Variants in PLAC1 observed in about 807,000 individuals in gnomAD.
PLAC1 encodes placenta associated 1.
For missense variants in PLAC1, 136 were observed against 163.2 expected (o/e 0.83, Z 0.91); for synonymous variants, 68 against 62.1 (o/e 1.09, Z -0.44).
intron 2 of PLAC1, among the ~76,000 whole-genome samples, chrX:134,667,587 T>C (rs1470326802): frequency 3.6e-5 from 4 of 111,393 alleles, no homozygotes; most frequent in Non-Finnish European, 7.5e-5. Flanking sequence ...GGGGTTGTAA[T>C]ATGCAGCTGC....
intron 1 of PLAC1, among the ~76,000 whole-genome samples, chrX:134,625,238 A>G (rs2124412192): frequency 8.9e-6 from 1 of 112,352 alleles, no homozygotes; most frequent in South Asian, 3.7e-4. Context: ...TTAGGAGGGA[A>G]GGCAGAGGGT....
upstream of PLAC1, among the ~76,000 whole-genome samples, chrX:134,659,985 G>A (rs570857131): frequency 8.9e-6 from 1 of 111,969 alleles, no homozygotes; most frequent in African/African-American, 3.2e-5. Flanking sequence ...TACTAAGTCC[G>A]TGAGGAAATA....
chrX:134,669,034 G>A (rs1294247163), intron 2 of PLAC1, among the ~76,000 whole-genome samples: 1 of 112,505 alleles, frequency 8.9e-6, no homozygotes, highest in African/African-American at 3.2e-5. Context: ...GGCCTTTGTG[G>A]TTCCTGGAAA....
At chrX:134,570,346 C>A (rs1223903775) in intron 2 of PLAC1, among the ~76,000 whole-genome samples, 2 of 111,284 alleles carry the variant, frequency 1.8e-5, no homozygotes, top group East Asian at 5.7e-4. Context: ...GGGTGCCCAG[C>A]TGAAGGTATT....
chrX:134,706,475 A>G (rs1239862626), intron 2 of PLAC1, among the ~76,000 whole-genome samples: 1 of 112,489 alleles, frequency 8.9e-6, no homozygotes, highest in Non-Finnish European at 1.9e-5. Flanking sequence ...GAAGATTTCA[A>G]TAAGAACCAG....
chrX:134,588,295 TTTA>T (rs1234065484), intron 2 of PLAC1, among the ~76,000 whole-genome samples: 3 of 3,471 alleles, frequency 8.6e-4, no homozygotes, highest in Admixed American at 7.5e-3. Flanking sequence ...CTTTATTTTA[TTTA>T]TTTATTTATT....
chrX:134,646,161 C>T (rs1397002447), intron 1 of PLAC1, among the ~76,000 whole-genome samples: 2 of 111,805 alleles, frequency 1.8e-5, no homozygotes, highest in African/African-American at 6.5e-5. Context: ...GCTTCTTGAG[C>T]CTGGAGTGGA....
chrX:134,594,564 T>TA (rs2078053839), intron 2 of PLAC1, among the ~76,000 whole-genome samples: 1 of 111,565 alleles, frequency 9.0e-6, no homozygotes, highest in Non-Finnish European at 1.9e-5. Context: ...TTAATTTCCT[T>TA]AATAGTTATG....
At chrX:134,751,370 C>T (rs1242921009) in intron 1 of PLAC1, among the ~76,000 whole-genome samples, 1 of 109,972 alleles carries the variant, frequency 9.1e-6, no homozygotes, top group Non-Finnish European at 1.9e-5. Flanking sequence ...ATGCAGACAA[C>T]TGCATCACCA....
intron 1 of PLAC1, among the ~76,000 whole-genome samples, chrX:134,602,367 A>G (rs1231983464): frequency 8.9e-6 from 1 of 112,088 alleles, no homozygotes; most frequent in Non-Finnish European, 1.9e-5. Flanking sequence ...ATGAAAAATC[A>G]CACCCTCAAA....
chrX:134,733,942 C>A (rs1056175712), intron 1 of PLAC1, among the ~76,000 whole-genome samples: 15 of 111,751 alleles, frequency 1.3e-4, no homozygotes, highest in African/African-American at 4.9e-4. Flanking sequence ...AGCTTTAGGA[C>A]CCTGTCTGTT....
chrX:134,751,488 T>C (rs1453077162), intron 1 of PLAC1, among the ~76,000 whole-genome samples: 1 of 111,805 alleles, frequency 8.9e-6, no homozygotes, highest in African/African-American at 3.3e-5. Context: ...GCTGCATTCC[T>C]TTCTTGCTCC....
At chrX:134,664,227 G>T (rs1207539307) in intron 2 of PLAC1, among the ~76,000 whole-genome samples, 4 of 111,909 alleles carry the variant, frequency 3.6e-5, no homozygotes, top group Admixed American at 2.8e-4. Context: ...CCTGGTGGGG[G>T]CCCCAATTTG....
chrX:134,744,911 C>T (rs2078725852), intron 1 of PLAC1, among the ~76,000 whole-genome samples: 1 of 111,830 alleles, frequency 8.9e-6, no homozygotes, highest in Non-Finnish European at 1.9e-5. Flanking sequence ...TTCCAGATTA[C>T]AGTCTCTTCT....
chrX:134,709,550 C>T (rs1047498260), intron 2 of PLAC1, among the ~76,000 whole-genome samples: 4 of 111,007 alleles, frequency 3.6e-5, no homozygotes, highest in Admixed American at 2.9e-4. Flanking sequence ...CGCTTGAACC[C>T]GGGATCGCGC....
intron 1 of PLAC1, among the ~76,000 whole-genome samples, chrX:134,624,741 A>T (rs758351501): frequency 5.4e-5 from 6 of 111,804 alleles, no homozygotes; most frequent in Non-Finnish European, 1.1e-4. Context: ...GGCTGTTTTC[A>T]AAGAAAGATC....
intron 1 of PLAC1, among the ~76,000 whole-genome samples, chrX:134,609,702 T>C (rs983927976): frequency 9.0e-6 from 1 of 111,652 alleles, no homozygotes; most frequent in African/African-American, 3.3e-5. Flanking sequence ...GTGAAGGCCC[T>C]CTTCCTGCCT....
At chrX:134,586,251 G>A (rs945856573) in intron 2 of PLAC1, among the ~76,000 whole-genome samples, 6 of 111,635 alleles carry the variant, frequency 5.4e-5, no homozygotes, top group African/African-American at 2.0e-4. Context: ...AGGAGGAGAG[G>A]GCATCTGGAG....
intron 2 of PLAC1, chrX:134,600,779 T>A (rs1373554307): frequency 1.8e-5 from 2 of 111,088 alleles, no homozygotes; most frequent in Admixed American, 1.9e-4. Context: ...ATTAAAAAAA[T>A]TTGGATTTTA....
Sources: allele counts gnomAD v4.1 joint callset (sites outside exome capture counted in the v4.1 genomes callset), GRCh38; gene constraint gnomAD v4.1.1; transcripts MANE v1.5; gene names NCBI Gene and HGNC (gene_info 2026-07-23, HGNC 2026-07-21).